HS2ST1: variants seen among roughly 807,000 people sequenced by gnomAD.
The protein encoded by HS2ST1 is 2-O-sulfotransferase.
A neutral mutation model predicts 42.9 loss-of-function variants in HS2ST1; 18 were observed. That is an observed-to-expected ratio of 0.42 (90% CI 0.29 to 0.62). HS2ST1 has a LOEUF of 0.62. Ranked by LOEUF, HS2ST1 falls within the 20% of genes least tolerant of loss-of-function variation. HS2ST1 has a pLI of 0.21. For synonymous variants in HS2ST1, 146 were observed against 152.9 expected (o/e 0.95, Z 0.33); for missense variants, 334 against 433.8 (o/e 0.77, Z 2.04).
intron 1 of HS2ST1, among the ~76,000 whole-genome samples, chr1:86,940,589 T>A (rs571128722): frequency 7.2e-5 from 11 of 152,350 alleles, no homozygotes; most frequent in African/African-American, 2.6e-4. Flanking sequence ...CAGAATAATT[T>A]ATGTCACCTG....
intron 2 of HS2ST1, among the ~76,000 whole-genome samples, chr1:87,075,843 T>G (rs368282919): frequency 4.6e-5 from 7 of 152,196 alleles, no homozygotes; most frequent in African/African-American, 1.7e-4. Flanking sequence ...TTATATATAT[T>G]CTGCTATCCT....
At chr1:87,046,316 C>T (rs1650664473) in intron 1 of HS2ST1, 1 of 733,586 alleles carries the variant, frequency 1.4e-6, no homozygotes, top group Admixed American at 1.8e-5. Context: ...CAATTTGTAA[C>T]ACACCTTCAG....
At chr1:87,063,756 T>G (rs2100625750) in intron 1 of HS2ST1, among the ~76,000 whole-genome samples, 1 of 152,340 alleles carries the variant, frequency 6.6e-6, no homozygotes, top group African/African-American at 2.4e-5. Flanking sequence ...TCGTGGCTGC[T>G]TTAAGTCTTT....
intron 1 of HS2ST1, among the ~76,000 whole-genome samples, chr1:86,984,440 G>A (rs1648696347): frequency 6.6e-6 from 1 of 152,222 alleles, no homozygotes; most frequent in Non-Finnish European, 1.5e-5. Flanking sequence ...CTGCATTGAA[G>A]TGAGAGAAAA....
At chr1:87,102,933 TAAATTA>T (rs1041527688) in intron 5 of HS2ST1, among the ~76,000 whole-genome samples, 2 of 152,202 alleles carry the variant, frequency 1.3e-5, no homozygotes, top group Non-Finnish European at 2.9e-5. Context: ...GCTGACAATG[TAAATTA>T]AAATAAAAAT....
chr1:87,026,565 A>G (rs1378349111), intron 1 of HS2ST1, among the ~76,000 whole-genome samples: 1 of 152,220 alleles, frequency 6.6e-6, no homozygotes, highest in Non-Finnish European at 1.5e-5. Context: ...ATATCTAATT[A>G]TATAAAAAAC....
At chr1:86,981,443 T>C (rs1285430950) in intron 1 of HS2ST1, among the ~76,000 whole-genome samples, 1 of 152,174 alleles carries the variant, frequency 6.6e-6, no homozygotes, top group East Asian at 1.9e-4. Context: ...ACAAGACAAG[T>C]CCCTTCTACC....
chr1:86,962,605 T>G (rs1269755601), intron 1 of HS2ST1, among the ~76,000 whole-genome samples: 1 of 152,186 alleles, frequency 6.6e-6, no homozygotes, highest in Non-Finnish European at 1.5e-5. Context: ...GACACATGAT[T>G]GGGTAAGATA....
chr1:86,981,365 A>G (rs1181369462), intron 1 of HS2ST1, among the ~76,000 whole-genome samples: 2 of 152,194 alleles, frequency 1.3e-5, no homozygotes, highest in Non-Finnish European at 2.9e-5. Context: ...TACCTTCCCA[A>G]CAGTACCCCA....
rs1162375072 is a variant in HS2ST1, at chr1:86,985,485, CACATATATAT to C, written c.124+70329_124+70338del. 1.9e-3 allele frequency among the ~76,000 whole-genome samples: 202 copies of C among 108,302 alleles called. 5 individuals are homozygous for C. The highest frequency in any genetic ancestry group is 3.7e-3 in the South Asian group (11 of 2,938). The allele number at this position is 108,302 out of a possible 152,430, so 71.1% of individuals were successfully genotyped here. On this transcript the variant is annotated intron_variant, in intron 1 of 6. Coordinates refer to ENST00000370550, the MANE Select transcript of HS2ST1 (RefSeq NM_012262.4). ...ATATACACATATATACACATATATACACATATATATACACATATATACACATATATATACA... is the reference window on the plus strand; with the variant it reads ...ATATACACATATATACACATATATACACACATATATACACATATATATACA...
At chr1:87,063,272 T>G (rs967016073) in intron 1 of HS2ST1, among the ~76,000 whole-genome samples, 1 of 152,208 alleles carries the variant, frequency 6.6e-6, no homozygotes, top group Non-Finnish European at 1.5e-5. Flanking sequence ...CATTAAACTT[T>G]TCTTCATCTC....
intron 1 of HS2ST1, among the ~76,000 whole-genome samples, chr1:86,969,268 C>T (rs1176293502): frequency 6.6e-6 from 1 of 152,120 alleles, no homozygotes; most frequent in Non-Finnish European, 1.5e-5. Flanking sequence ...TCTTCTGAAA[C>T]CTCAATTTGG....
intron 1 of HS2ST1, among the ~76,000 whole-genome samples, chr1:87,022,103 T>A (rs1225639661): frequency 1.3e-5 from 2 of 152,152 alleles, no homozygotes; most frequent in African/African-American, 4.8e-5. Context: ...AGTCAGCAGG[T>A]CTGTGTTGAC....
At chr1:86,997,202 G>T (rs973996819) in intron 1 of HS2ST1, among the ~76,000 whole-genome samples, 4 of 152,152 alleles carry the variant, frequency 2.6e-5, no homozygotes, top group Admixed American at 6.5e-5. Flanking sequence ...AATCGTGGGG[G>T]TTGGGGGTGA....
At chr1:87,077,654 G>A (rs72955577) in intron 2 of HS2ST1, among the ~76,000 whole-genome samples, 3,600 of 152,246 alleles carry the variant, frequency 0.024, 75 homozygotes, top group African/African-American at 0.049. Flanking sequence ...TTTAAGGATA[G>A]GAACCTTGTC....
chr1:87,031,514 G>C (rs1325030281), intron 1 of HS2ST1, among the ~76,000 whole-genome samples: 5 of 152,148 alleles, frequency 3.3e-5, no homozygotes, highest in Non-Finnish European at 1.5e-5. Context: ...AAGTACATGT[G>C]CAGCTAGCTT....
intron 1 of HS2ST1, among the ~76,000 whole-genome samples, chr1:86,978,861 C>CTTTTTTTTTTTT (rs55812524): frequency 3.0e-5 from 3 of 98,672 alleles, no homozygotes; most frequent in East Asian, 3.4e-4. Flanking sequence ...ACTTGTGAAT[C>CTTTTTTTTTTTT]TTTTTTTTTT....
intron 1 of HS2ST1, among the ~76,000 whole-genome samples, chr1:86,993,828 A>G (rs79993735): frequency 2.9e-3 from 444 of 152,308 alleles, no homozygotes; most frequent in Non-Finnish European, 4.9e-3. Context: ...ATATAGTGAC[A>G]AGACAAAAAA....
At position 86,996,955 on chromosome 1, in the gene HS2ST1, C is replaced by A. The variant is rs139640641; in HGVS notation, c.125-75979C>A. On this transcript the variant is annotated intron_variant, in intron 1 of 6. Coordinates refer to ENST00000370550, the MANE Select transcript of HS2ST1 (RefSeq NM_012262.4). ...AATTCTCCTACTGAAACCTTATAAACGTTAGGCCATATATATATATACAAC... is the reference window on the plus strand; with the variant it reads ...AATTCTCCTACTGAAACCTTATAAAAGTTAGGCCATATATATATATACAAC... 4.6e-5 allele frequency among the ~76,000 whole-genome samples: 7 copies of A among 152,050 alleles called. No individual in the cohort carries two copies. The East Asian group carries it at 1.4e-3, about 29-fold the overall frequency.
Sources: allele counts gnomAD v4.1 joint callset (sites outside exome capture counted in the v4.1 genomes callset), GRCh38; gene constraint gnomAD v4.1.1; transcripts MANE v1.5; gene names NCBI Gene and HGNC (gene_info 2026-07-23, HGNC 2026-07-21).